NFRKB: variants seen among roughly 807,000 people sequenced by gnomAD.
The protein encoded by NFRKB is nuclear factor related to kappaB binding protein.
Under a neutral mutation model 135.7 loss-of-function variants are expected in NFRKB, and 62 were observed. The observed-to-expected ratio is 0.46, with a 90% CI of 0.37 to 0.56. The LOEUF (loss-of-function observed/expected upper bound fraction) is 0.56. NFRKB is among the 20% of genes least tolerant of loss of function. The pLI is 0.00. For synonymous variants in NFRKB, 678 were observed against 635.6 expected, an observed-to-expected ratio of 1.07 and a Z score of -1.00; for missense variants, 1,545 against 1,662.0, an observed-to-expected ratio of 0.93 and a Z score of 1.22.
At position 129,873,786 on chromosome 11, in the gene NFRKB, G is replaced by A. The variant is rs753005385; in HGVS notation, c.2509C>T (p.Arg837Trp). 17 of 1,614,142 alleles carry A rather than the reference G, an allele frequency of 1.1e-5. No individual in the cohort carries two copies. Among genetic ancestry groups the A allele is most frequent in the Admixed American group, 6.7e-5 (4 of 60,024 alleles). ...LPQMPAGPQI[R>W]VPATATQTKV... ...GTCTGTGTGGCAGTGGCTGGAACCC[G>A]GATCTGCGGTCCTGCTGGCATCTGT... Residue 837 changes from arginine to tryptophan, a missense_variant, in exon 22 of 27, where the codon CGG becomes TGG. Arg to Trp is a moderately radical substitution (Grantham distance 101, BLOSUM62 -3). Coordinates refer to ENST00000682444, the MANE Select transcript of NFRKB (RefSeq NM_001143835.2).
At chr11:129,878,227 C>T (rs983237375) in intron 15 of NFRKB, 82 bp downstream of exon 15, 18 of 1,452,936 alleles carry the variant, frequency 1.2e-5, no homozygotes, top group Non-Finnish European at 1.7e-5. Flanking sequence ...CTCTAGCATA[C>T]CAAGAAGTAT....
At position 129,882,558 on chromosome 11, in the gene NFRKB, C is replaced by G. The variant is rs775574452; in HGVS notation, c.975G>C (p.Thr325=). The change falls in exon 10 of 27, where the codon ACG becomes ACC. Residue 325 remains threonine (T), a synonymous_variant. Transcript: ENST00000682444. ...KEEKKKKKIK[T]IKSEAEDLAE... ...CCAGGTCCTCTGCCTCTGATTTGAT[C>G]GTTTTTATTTTCTTCTTCTTCTTTT... The G allele has an allele frequency of 4.3e-6, 7 of 1,613,952 alleles. No individual in the cohort carries two copies. The highest frequency in any genetic ancestry group is 5.9e-6 in the Non-Finnish European group (7 of 1,179,994).
intron 13 of NFRKB, 38 bp downstream of exon 13, chr11:129,881,405 A>C (rs1949019391): frequency 6.2e-7 from 1 of 1,604,578 alleles, no homozygotes; most frequent in Non-Finnish European, 8.5e-7. Flanking sequence ...AAATGGGAGA[A>C]CGAAAACCTG....
At chr11:129,891,290 C>T (rs1489975437) in intron 3 of NFRKB, among the ~76,000 whole-genome samples, 2 of 152,102 alleles carry the variant, frequency 1.3e-5, no homozygotes, top group Admixed American at 1.3e-4. Context: ...CACCAATACG[C>T]GCTGAATCTA....
At chr11:129,873,188 T>G in intron 22 of NFRKB, 92 bp from the exon 23 acceptor site, 5 of 1,162,054 alleles carry the variant, frequency 4.3e-6, no homozygotes, top group Non-Finnish European at 6.0e-6. Context: ...CCCGGAAGCA[T>G]TGCTCTCAAA....
At chr11:129,867,186 G>A (rs1948235302) in intron 24 of NFRKB, among the ~76,000 whole-genome samples, 1 of 152,118 alleles carries the variant, frequency 6.6e-6, no homozygotes, top group South Asian at 2.1e-4. Flanking sequence ...ACCTACCCAG[G>A]TTGATTATAA....
rs1343481510 is a variant in NFRKB, at chr11:129,874,329, G to C, written c.2063C>G (p.Ser688Cys). The C allele has an allele frequency of 4.0e-6, 6 of 1,518,126 alleles. No homozygotes were observed. Among genetic ancestry groups the C allele is most frequent in the Non-Finnish European group, 3.5e-6 (4 of 1,135,854 alleles). 94.0% of individuals were successfully genotyped at this position (1,518,126 alleles called of 1,614,324 possible). The change falls in exon 21 of 27, where the codon TCC becomes TGC. Residue 688 changes from serine to cysteine, a missense_variant. Physicochemically the swap from Ser to Cys is moderately radical, Grantham distance 112. Around this residue, in one of 3 missense-constraint regions of NFRKB, gnomAD observed 753 missense variants for 804.3 expected, o/e 0.94. Transcript: ENST00000682444. The surrounding 1 kb of genome is among the most constrained non-coding windows in gnomAD (Gnocchi z 4.5). ...CTTTATGGAGCTCTCCTTGCTACTGGACTTCTAGAACGGAAGACAAAGAAA... is the reference window on the plus strand; with the variant it reads ...CTTTATGGAGCTCTCCTTGCTACTGCACTTCTAGAACGGAAGACAAAGAAA... ...QKPKPPSKVK[S>C]SSKESSIKVL...
intron 3 of NFRKB, among the ~76,000 whole-genome samples, chr11:129,889,883 G>C (rs768788258): frequency 6.6e-6 from 1 of 151,392 alleles, no homozygotes; most frequent in Non-Finnish European, 1.5e-5. Context: ...CGTGGTGGTG[G>C]GCTTCAGTGG....
rs200079411 is a variant in NFRKB at position 129,882,665 on chromosome 11, G to T, written c.902-34C>A. 27 of 1,599,608 alleles carry T rather than the reference G, an allele frequency of 1.7e-5. No homozygotes were observed. The African/African-American group carries it at 3.0e-4, about 18-fold the overall frequency. On this transcript the variant is annotated intron_variant, in intron 9 of 26. Coordinates refer to ENST00000682444, the MANE Select transcript of NFRKB (RefSeq NM_001143835.2). ...GCAAAGTAACACCAGTCACAGAAAT[G>T]TATCTCCTACACAGGGAAGTGAGGG...
intron 9 of NFRKB, 66 bp downstream of exon 9, chr11:129,883,056 G>A: frequency 6.8e-7 from 1 of 1,465,018 alleles, no homozygotes; most frequent in Non-Finnish European, 9.5e-7. Flanking sequence ...TTTTTGCCAT[G>A]TTATGGGCTC....
intron 3 of NFRKB, among the ~76,000 whole-genome samples, chr11:129,890,900 T>C (rs1030736034): frequency 5.3e-5 from 8 of 152,244 alleles, no homozygotes; most frequent in African/African-American, 1.4e-4. Context: ...TAAACACATA[T>C]ATAATTCTGC....
At chr11:129,884,492 G>T (rs993003847) in intron 7 of NFRKB, among the ~76,000 whole-genome samples, 1 of 152,140 alleles carries the variant, frequency 6.6e-6, no homozygotes, top group Non-Finnish European at 1.5e-5. Flanking sequence ...ACTGTTTCAA[G>T]ATTTTGCTTT....
At position 129,876,860 on chromosome 11, in the gene NFRKB, G is replaced by A. The variant is rs374639661; in HGVS notation, c.1608C>T (p.Phe536=). The A allele has an allele frequency of 4.3e-5, 69 of 1,614,152 alleles. No individual in the cohort carries two copies. In the Middle Eastern group the frequency reaches 6.6e-4, roughly 15 times the overall value. Residue 536 remains phenylalanine (F), a synonymous_variant, in exon 17 of 27, where the codon TTC becomes TTT. Coordinates refer to ENST00000682444, the MANE Select transcript of NFRKB (RefSeq NM_001143835.2). ...RYRYSQPHKA[F]TFRMHGFESV... is the part of the protein sequence containing the mutation. ...ACTCAAAGCCGTGCATGCGAAAGGT[G>A]AACGCCTTATGGGGTTGGCTATACC... is the stretch of plus-strand genomic sequence containing the variant.
Position 129,864,627 on chromosome 11 carries a change from G to T in NFRKB, c.*98C>A, listed in dbSNP as rs997905149. 1.3e-6 allele frequency: 2 copies of T among 1,547,980 alleles called. No individual in the cohort carries two copies. Among genetic ancestry groups the T allele is most frequent in the Non-Finnish European group, 1.8e-6 (2 of 1,136,340 alleles). ...CCATCACCCCTCGCCTGGCTGCCTT[G>T]AACAGGCAAGCTTAAAACAATGATG... On this transcript the variant is annotated 3_prime_UTR_variant, in exon 27 of 27. Coordinates refer to ENST00000682444, the MANE Select transcript of NFRKB (RefSeq NM_001143835.2).
intron 13 of NFRKB, among the ~76,000 whole-genome samples, chr11:129,880,904 G>C (rs183065311): frequency 1.5e-4 from 23 of 152,294 alleles, no homozygotes; most frequent in Admixed American, 1.1e-3. Flanking sequence ...TGAATTTCAA[G>C]AAGAAACCAA....
chr11:129,878,354 T>C lies in NFRKB; in HGVS notation c.1466A>G (p.Gln489Arg), dbSNP rs1314507756. The change falls in exon 15 of 27, where the codon CAA becomes CGA. Residue 489 changes from glutamine (Q) to arginine (R), a missense_variant and splice_region_variant. This residue lies in a region of NFRKB where 678 missense variants were observed against 646.7 expected (regional missense o/e 1.05). Transcript: ENST00000682444. Reference sequence around the variant, plus strand: ...GGCATCTGAGCTGTCTTCATTTTCTTGCTGGAGAAAAAGAAAACGTTGACA... The same window carrying C: ...GGCATCTGAGCTGTCTTCATTTTCTCGCTGGAGAAAAAGAAAACGTTGACA... The part of the protein sequence containing the change: ...LETKDQAFCK[Q>R]ENEDSSDATT... 2 of 1,614,098 alleles carry C rather than the reference T, an allele frequency of 1.2e-6. No homozygotes were observed. Among genetic ancestry groups the C allele is most frequent in the Non-Finnish European group, 1.7e-6 (2 of 1,180,044 alleles).
At chr11:129,879,645 T>C (rs1439603653) in intron 13 of NFRKB, among the ~76,000 whole-genome samples, 1 of 152,184 alleles carries the variant, frequency 6.6e-6, no homozygotes, top group African/African-American at 2.4e-5. Context: ...TGCTCCAGGC[T>C]TTCCCCATCT....
intron 24 of NFRKB, among the ~76,000 whole-genome samples, chr11:129,867,160 A>G (rs1948234078): frequency 6.6e-6 from 1 of 152,118 alleles, no homozygotes; most frequent in African/African-American, 2.4e-5. Context: ...TGCCCCACCA[A>G]ATGCTCTCCA....
intron 17 of NFRKB, 127 bp from the exon 18 acceptor site, chr11:129,875,590 G>A (rs546320009): frequency 4.8e-6 from 3 of 622,894 alleles, no homozygotes; most frequent in African/African-American, 3.7e-5. Flanking sequence ...CCTGATGCCG[G>A]ATTAGGTGCA....
Sources: allele counts gnomAD v4.1 joint callset (sites outside exome capture counted in the v4.1 genomes callset), GRCh38; gene constraint gnomAD v4.1.1; regional missense constraint gnomAD v4.1.1; non-coding constraint Gnocchi (gnomAD v3.1); transcripts MANE v1.5; gene names NCBI Gene and HGNC (gene_info 2026-07-23, HGNC 2026-07-21).